MALRD1: variants seen among roughly 807,000 people sequenced by gnomAD.
The protein encoded by MALRD1 is MAM and LDL receptor class A domain containing 1.
In MALRD1, 247 loss-of-function variants were observed where a neutral mutation model predicts 242.1. That is an observed-to-expected ratio of 1.02 (90% CI 0.92 to 1.13). The LOEUF (loss-of-function observed/expected upper bound fraction) is 1.13. MALRD1 is among the 50% of genes most tolerant of loss of function. The pLI is 0.00. For missense variants in MALRD1, 2,989 were observed against 2,533.1 expected (o/e 1.18, Z -3.86); for synonymous variants, 995 against 866.6 (o/e 1.15, Z -2.60).
At position 19,151,771 on chromosome 10, in the gene MALRD1, TTATGA is replaced by T. The variant is rs1271261972; in HGVS notation, c.1559-3297_1559-3293del. Among the ~76,000 whole-genome samples the T allele has an allele frequency of 2.0e-5, 3 of 152,200 alleles. No individual in the cohort carries two copies. The East Asian group carries it at 5.8e-4, about 29-fold the overall frequency. ...AGTTTTCAGTATTTTTCAGCATCTA[TTATGA>T]TATGATTGTCAGATTATCTTTTTTG... is the stretch of plus-strand genomic sequence containing the variant. On this transcript the variant is annotated intron_variant, in intron 11 of 39. Coordinates refer to ENST00000454679, the MANE Select transcript of MALRD1 (RefSeq NM_001142308.3).
chr10:19,562,816 G>C (rs1376425066), intron 32 of MALRD1, among the ~76,000 whole-genome samples: 1 of 152,118 alleles, frequency 6.6e-6, no homozygotes, highest in African/African-American at 2.4e-5. Flanking sequence ...ACTGTGACCT[G>C]TGCATGTGAG....
intron 5 of MALRD1, among the ~76,000 whole-genome samples, chr10:19,119,667 G>A (rs1836993832): frequency 6.6e-6 from 1 of 152,162 alleles, no homozygotes; most frequent in Admixed American, 6.5e-5. Context: ...AGCAGTTTAG[G>A]GAGGGTCAGA....
chr10:19,394,759 C>T, intron 28 of MALRD1, among the ~76,000 whole-genome samples: 1 of 152,152 alleles, frequency 6.6e-6, no homozygotes, highest in Non-Finnish European at 1.5e-5. Context: ...TCATGTCGAC[C>T]TTCTAAAAGT....
At position 19,129,715 on chromosome 10, in the gene MALRD1, T is replaced by C. The variant is rs888244636; in HGVS notation, c.1110+1328T>C. On this transcript the variant is annotated intron_variant, in intron 8 of 39. Transcript: ENST00000454679. ...CAGAAACTGGAGATGAATAAATATA[T>C]TCATAATAAATAATATATAATGTAT... Among the ~76,000 whole-genome samples, 3 of 149,240 alleles carry C rather than the reference T, an allele frequency of 2.0e-5. 1 individual carries two copies. In the South Asian group the frequency reaches 6.2e-4, roughly 31 times the overall value.
chr10:19,732,545 G>C (rs1835339719), intron 39 of MALRD1, among the ~76,000 whole-genome samples: 1 of 152,174 alleles, frequency 6.6e-6, no homozygotes, highest in Non-Finnish European at 1.5e-5. Flanking sequence ...TTACAGGCGT[G>C]AGCCACTGTA....
Position 19,542,533 on chromosome 10 carries a change from TG to T in MALRD1, c.5478+11183del, listed in dbSNP as rs1352592028. Among the ~76,000 whole-genome samples, 48 of 152,158 alleles carry T rather than the reference TG, an allele frequency of 3.2e-4. 1 individual carries two copies. The highest frequency in any genetic ancestry group is 7.2e-4 in the African/African-American group (30 of 41,542). On this transcript the variant is annotated intron_variant, in intron 32 of 39. Coordinates refer to ENST00000454679, the MANE Select transcript of MALRD1 (RefSeq NM_001142308.3). ...GTCGTGAGAGGTTAGAATCTCCTGA[TG>T]TTTTTTTTCCAAATTGCAGTATAGT...
intron 38 of MALRD1, among the ~76,000 whole-genome samples, chr10:19,729,435 A>G (rs1589452391): frequency 6.6e-6 from 1 of 152,124 alleles, no homozygotes; most frequent in Non-Finnish European, 1.5e-5. Context: ...ATTATCATAC[A>G]TTATATATTT....
intron 26 of MALRD1, among the ~76,000 whole-genome samples, chr10:19,359,706 C>A (rs1308201542): frequency 6.7e-6 from 1 of 150,246 alleles, no homozygotes; most frequent in African/African-American, 2.5e-5. Flanking sequence ...GGTAGGAGAA[C>A]ATAAAAAGAA....
At chr10:19,661,647 G>A (rs571425036) in intron 36 of MALRD1, among the ~76,000 whole-genome samples, 9 of 152,026 alleles carry the variant, frequency 5.9e-5, no homozygotes, top group East Asian at 1.9e-4. Flanking sequence ...GGATAGGGGC[G>A]GGGGGAAGGA....
intron 33 of MALRD1, among the ~76,000 whole-genome samples, chr10:19,579,719 T>C (rs899050455): frequency 2.6e-5 from 4 of 152,196 alleles, no homozygotes; most frequent in Non-Finnish European, 5.9e-5. Flanking sequence ...GTTTGTTGAA[T>C]ACCAACCAAA....
rs574219914 is a variant in MALRD1 at position 19,688,267 on chromosome 10, G to A, written c.6138-4015G>A. Among the ~76,000 whole-genome samples the A allele has an allele frequency of 1.5e-3, 218 of 150,344 alleles. 2 individuals are homozygous for A. Among genetic ancestry groups the A allele is most frequent in the Non-Finnish European group, 2.1e-3 (142 of 67,584 alleles). ...ATTACAGGCATGAGCCACTGTGCCC[G>A]GCCTATTATTATTATTATCTGAGAC... On this transcript the variant is annotated intron_variant, in intron 36 of 39. Transcript: ENST00000454679.
At chr10:19,233,924 T>C (rs1838191260) in intron 18 of MALRD1, among the ~76,000 whole-genome samples, 1 of 152,124 alleles carries the variant, frequency 6.6e-6, no homozygotes, top group African/African-American at 2.4e-5. Flanking sequence ...ATGCTTTTAA[T>C]ATGAAGTTTT....
At chr10:19,344,150 T>C (rs1257953839) in intron 24 of MALRD1, among the ~76,000 whole-genome samples, 2 of 152,116 alleles carry the variant, frequency 1.3e-5, no homozygotes, top group Non-Finnish European at 2.9e-5. Context: ...AGAGCAAACA[T>C]ATTTAATGTT....
intron 29 of MALRD1, among the ~76,000 whole-genome samples, chr10:19,454,749 C>CACAT (rs1554775413): frequency 6.7e-6 from 1 of 148,444 alleles, no homozygotes; most frequent in Non-Finnish European, 1.5e-5. Context: ...CACACACACA[C>CACAT]ATTATATGTA....
intron 12 of MALRD1, among the ~76,000 whole-genome samples, chr10:19,165,265 A>ATATATATATATATATATATATC: frequency 7.7e-6 from 1 of 130,286 alleles, no homozygotes; most frequent in Non-Finnish European, 1.6e-5. Flanking sequence ...ATATATATAT[A>ATATATATATATATATATATATC]TTTTGTTTTG....
At chr10:19,363,074 G>A (rs181707474) in intron 26 of MALRD1, among the ~76,000 whole-genome samples, 11 of 152,216 alleles carry the variant, frequency 7.2e-5, no homozygotes, top group Admixed American at 2.6e-4. Flanking sequence ...AATGTCCATC[G>A]TCTAGGCACG....
At chr10:19,462,030 G>A (rs897111664) in intron 29 of MALRD1, among the ~76,000 whole-genome samples, 2 of 152,036 alleles carry the variant, frequency 1.3e-5, no homozygotes, top group African/African-American at 4.8e-5. Context: ...GTAGAGAGAC[G>A]GCAGGATACA....
At chr10:19,264,710 C>T (rs916255062) in intron 19 of MALRD1, among the ~76,000 whole-genome samples, 2 of 152,164 alleles carry the variant, frequency 1.3e-5, no homozygotes, top group South Asian at 2.1e-4. Context: ...GCCTCGGCCT[C>T]TCAAAGTGCT....
intron 26 of MALRD1, among the ~76,000 whole-genome samples, chr10:19,374,321 AT>A (rs1845510345): frequency 6.6e-6 from 1 of 152,150 alleles, no homozygotes; most frequent in Non-Finnish European, 1.5e-5. Context: ...TTCAATTCCT[AT>A]TGATGCTATA....
Sources: allele counts gnomAD v4.1 joint callset (sites outside exome capture counted in the v4.1 genomes callset), GRCh38; gene constraint gnomAD v4.1.1; transcripts MANE v1.5; gene names NCBI Gene and HGNC (gene_info 2026-07-23, HGNC 2026-07-21).